The following SEMA4A variants were observed in gnomAD, a reference collection of about 807,000 sequenced individuals.
SEMA4A encodes the protein semaphorin-4A.
A neutral mutation model predicts 72.5 loss-of-function variants in SEMA4A; 52 were observed. The observed-to-expected ratio is 0.72, with a 90% CI of 0.57 to 0.90. The LOEUF is 0.90. SEMA4A is among the 40% of genes least tolerant of loss of function. The probability of loss-of-function intolerance (pLI) is 0.00; values close to 1 mark genes in which losing one functional copy is unlikely to be tolerated. For synonymous variants in SEMA4A, 369 were observed against 393.1 expected, an observed-to-expected ratio of 0.94 and a Z score of 0.73; for missense variants, 926 against 959.7, an observed-to-expected ratio of 0.96 and a Z score of 0.46.
upstream of SEMA4A, among the ~76,000 whole-genome samples, chr1:156,149,107 G>A (rs767748976): frequency 3.3e-5 from 5 of 152,118 alleles, no homozygotes; most frequent in East Asian, 1.9e-4. Flanking sequence ...CAGCCGGAAG[G>A]GGCTTTTTCA....
In SEMA4A at chr1:156,174,783, T is replaced by C. The variant is rs765659762; in HGVS notation, c.1316-39T>C. 1.9e-6 allele frequency: 3 copies of C among 1,611,692 alleles called. 1 individual carries two copies. The highest frequency in any genetic ancestry group is 3.3e-4 in the Middle Eastern group (2 of 6,080). Reference sequence around the variant, plus strand: ...CGGAAGTTGGGAAGGGATCTGTGGATGAGATGAGATGACTTCCACTCTCTC... The same window carrying C: ...CGGAAGTTGGGAAGGGATCTGTGGACGAGATGAGATGACTTCCACTCTCTC... On this transcript the variant is annotated intron_variant, in intron 11 of 14. Transcript: ENST00000368285.
At chr1:156,168,701 G>A (rs1208858343) in intron 10 of SEMA4A, among the ~76,000 whole-genome samples, 1 of 152,152 alleles carries the variant, frequency 6.6e-6, no homozygotes, top group African/African-American at 2.4e-5. Context: ...ACTAAGTCTT[G>A]GCAATTTGGT....
chr1:156,167,652 T>C (rs376237162), intron 10 of SEMA4A, among the ~76,000 whole-genome samples: 1 of 152,216 alleles, frequency 6.6e-6, no homozygotes, highest in East Asian at 1.9e-4. Flanking sequence ...AATTGTTCAG[T>C]AGTTGGATCT....
chr1:156,165,502 G>A (rs1654069772), intron 10 of SEMA4A, among the ~76,000 whole-genome samples: 1 of 152,050 alleles, frequency 6.6e-6, no homozygotes, highest in African/African-American at 2.4e-5. Context: ...AGTTCAGCTA[G>A]GTATACGTAA....
chr1:156,158,582 C>CAG (rs1653268818), intron 5 of SEMA4A, 96 bp downstream of exon 5: 3 of 1,310,818 alleles, frequency 2.3e-6, no homozygotes, highest in South Asian at 2.4e-5. Context: ...TCTGGCCTTC[C>CAG]AGATGCAGGA....
chr1:156,154,493 G>T, intron 1 of SEMA4A, 57 bp from the exon 2 acceptor site: 2 of 1,488,610 alleles, frequency 1.3e-6, no homozygotes, highest in Non-Finnish European at 1.8e-6. Flanking sequence ...ATTGGTCCTC[G>T]GGGGGATGTG....
intron 5 of SEMA4A, 51 bp downstream of exon 5, chr1:156,158,537 TCTACCCACGA>T: frequency 6.8e-7 from 1 of 1,465,672 alleles, no homozygotes. Context: ...CCTTCTCACA[TCTACCCACGA>T]CTTTCCTCTG....
rs1229522847 is a variant in SEMA4A at position 156,174,848 on chromosome 1, G to A, written c.1342G>A (p.Val448Ile). Residue 448 changes from valine (V) to isoleucine (I), a missense_variant, in exon 12 of 15, where the codon GTA (valine) becomes ATA (isoleucine). Physicochemically the swap from Val to Ile is conservative, Grantham distance 29. Coordinates refer to ENST00000368285, the MANE Select transcript of SEMA4A (RefSeq NM_022367.4). ...CACAGGGTCGCTCCACAAGGCTGTG[G>A]TAAGTGGGGACAGCAGTGCTCATCT... is the stretch of plus-strand genomic sequence containing the variant. ...TTTGSLHKAVVSGDSSAHLVE... is the reference protein window; with the variant it reads ...TTTGSLHKAVISGDSSAHLVE... 3 of 1,614,218 alleles carry A rather than the reference G, an allele frequency of 1.9e-6. No homozygotes were observed. The highest frequency in any genetic ancestry group is 2.5e-6 in the Non-Finnish European group (3 of 1,180,032).
chr1:156,156,358 G>A (rs888874059), intron 2 of SEMA4A, 56 bp from the exon 3 acceptor site: 6 of 1,567,370 alleles, frequency 3.8e-6, no homozygotes, highest in East Asian at 2.2e-5. Flanking sequence ...TATCTCAGGA[G>A]TCAGCTGCCT....
At chr1:156,174,146 C>T (rs751111373) in intron 11 of SEMA4A, among the ~76,000 whole-genome samples, 36 of 151,952 alleles carry the variant, frequency 2.4e-4, no homozygotes, top group Non-Finnish European at 3.7e-4. Context: ...AAGAGGGAGA[C>T]GGAGTCAGCA....
In SEMA4A at chr1:156,160,349, GAT is replaced by G. The variant is rs1653470490; in HGVS notation, c.569-91_569-90del. ...GAACTGATGCAGGGCCCCCGAGACT[GAT>G]ATGGATGCCAGCCCCAGTCAGAGGC... On this transcript the variant is annotated intron_variant, in intron 6 of 14. Coordinates refer to ENST00000368285, the MANE Select transcript of SEMA4A (RefSeq NM_022367.4). The G allele has an allele frequency of 2.9e-5, 28 of 977,088 alleles. No homozygotes were observed. In the Middle Eastern group the frequency reaches 1.5e-3, roughly 52 times the overall value. 60.5% of individuals were successfully genotyped at this position (977,088 alleles called of 1,614,324 possible).
intron 9 of SEMA4A, 100 bp from the exon 10 acceptor site, chr1:156,162,844 C>A: frequency 1.3e-6 from 2 of 1,487,774 alleles, no homozygotes; most frequent in Non-Finnish European, 1.9e-6. Flanking sequence ...CAGCTCTCCA[C>A]ACTCTTGCCT....
At chr1:156,161,310 G>GGGGGGGGGC in intron 8 of SEMA4A, 36 bp from the exon 9 acceptor site, 8 of 1,381,194 alleles carry the variant, frequency 5.8e-6, no homozygotes, top group South Asian at 1.3e-5. Context: ...GGGTCGGGGC[G>GGGGGGGGGC]CCCGGGGCGC....
chr1:156,150,668 G>A (rs1182220218), upstream of SEMA4A, among the ~76,000 whole-genome samples: 4 of 152,136 alleles, frequency 2.6e-5, no homozygotes, highest in Admixed American at 1.3e-4. Flanking sequence ...GAGACTGAGC[G>A]TCTGGGGCTG....
chr1:156,173,766 G>A (rs1374489220), intron 11 of SEMA4A, among the ~76,000 whole-genome samples: 1 of 152,138 alleles, frequency 6.6e-6, no homozygotes, highest in Non-Finnish European at 1.5e-5. Flanking sequence ...TGAGCTGGGA[G>A]TGAGGGGGCA....
chr1:156,159,501 G>A (rs1486505803), intron 6 of SEMA4A, among the ~76,000 whole-genome samples: 1 of 152,164 alleles, frequency 6.6e-6, no homozygotes, highest in Non-Finnish European at 1.5e-5. Flanking sequence ...AGGCACGAGG[G>A]CCCGGGAAGG....
intron 10 of SEMA4A, among the ~76,000 whole-genome samples, chr1:156,169,924 C>T (rs1654544518): frequency 1.3e-5 from 2 of 151,482 alleles, no homozygotes; most frequent in Admixed American, 6.6e-5. Context: ...AGTTGGGAGA[C>T]TGAGGCACGA....
intron 10 of SEMA4A, among the ~76,000 whole-genome samples, chr1:156,172,328 C>A (rs979553647): frequency 3.7e-4 from 56 of 151,920 alleles, no homozygotes; most frequent in African/African-American, 1.3e-3. Flanking sequence ...GCTAGCCAGG[C>A]TGGTCTCGAA....
Position 156,176,450 on chromosome 1 carries a change from G to A in SEMA4A, c.1739G>A (p.Cys580Tyr). Residue 580 changes from cysteine to tyrosine, a missense_variant, in exon 15 of 15, where the codon TGC (cysteine) becomes TAC (tyrosine). Coordinates refer to ENST00000368285, the MANE Select transcript of SEMA4A (RefSeq NM_022367.4). The stretch of plus-strand genomic sequence containing the variant: ...CCCAACTCCATCCTGGAGCTCCCCT[G>A]CCCCCACCTGTCAGCCTTGGCCTCT... ...AVPNSILELP[C>Y]PHLSALASYY... 7 of 1,614,088 alleles carry A rather than the reference G, an allele frequency of 4.3e-6. No individual in the cohort carries two copies. Among genetic ancestry groups the A allele is most frequent in the Non-Finnish European group, 5.9e-6 (7 of 1,180,020 alleles).
Sources: gnomAD v4.1 joint callset for allele counts (sites outside exome capture counted in the v4.1 genomes callset) on GRCh38, gnomAD v4.1.1 for gene constraint, MANE v1.5 for transcripts, NCBI Gene and HGNC (gene_info 2026-07-23, HGNC 2026-07-21) for gene names.